UBR1: variants seen among roughly 807,000 people sequenced by gnomAD.
UBR1 encodes the protein E3 ubiquitin-protein ligase UBR1.
In UBR1, 102 loss-of-function variants were observed where a neutral mutation model predicts 242.1. That is an observed-to-expected ratio of 0.42 (90% CI 0.36 to 0.50). The LOEUF (loss-of-function observed/expected upper bound fraction) is 0.50, where lower values mean the gene tolerates loss of function less well. UBR1 is among the 20% of genes least tolerant of loss of function. UBR1 has a pLI of 0.01. For synonymous variants in UBR1, 675 were observed against 684.8 expected (o/e 0.99, Z 0.22); for missense variants, 1,772 against 2,101.8 (o/e 0.84, Z 3.07).
intron 1 of UBR1, among the ~76,000 whole-genome samples, chr15:43,090,948 A>T (rs1052638013): frequency 3.3e-5 from 5 of 151,752 alleles, no homozygotes; most frequent in Non-Finnish European, 4.4e-5. Context: ...ATTTATTTTT[A>T]TTTTTTTTGA....
chr15:43,089,380 A>C (rs1596139713), intron 1 of UBR1, among the ~76,000 whole-genome samples: 1 of 152,076 alleles, frequency 6.6e-6, no homozygotes, highest in East Asian at 1.9e-4. Context: ...CTGTAGTCCC[A>C]GCTACTCGGG....
Position 43,027,780 on chromosome 15 carries a change from A to ATT in UBR1, c.2427_2428insAA (p.Phe810AsnfsTer15). The ATT allele has an allele frequency of 1.2e-6, 2 of 1,612,188 alleles. No individual in the cohort carries two copies. The highest frequency in any genetic ancestry group is 1.7e-6 in the Non-Finnish European group (2 of 1,178,870). On this transcript the variant is annotated frameshift_variant, in exon 22 of 47. Transcript: ENST00000290650. LOFTEE classifies it high-confidence loss of function. ...GCATAAATATTAAGCACTTACTTAA[A>ATT]TGTGGCCACTTTGTTTATGACATTC...
At chr15:42,960,532 A>G in intron 43 of UBR1, 113 bp downstream of exon 43, 1 of 1,078,330 alleles carries the variant, frequency 9.3e-7, no homozygotes, top group Non-Finnish European at 1.4e-6. Context: ...AATCAGGAAC[A>G]CTGTACTGAG....
chr15:43,049,803 T>C (rs531888155), intron 12 of UBR1, among the ~76,000 whole-genome samples: 3 of 152,334 alleles, frequency 2.0e-5, no homozygotes, highest in Non-Finnish European at 2.9e-5. Flanking sequence ...ATCTGCCACA[T>C]TGAACAAACG....
intron 1 of UBR1, 75 bp from the exon 2 acceptor site, chr15:43,086,315 A>G: frequency 6.5e-7 from 1 of 1,526,860 alleles, no homozygotes. Flanking sequence ...AAATAATGAC[A>G]TAATTCTACA....
At position 42,950,337 on chromosome 15, in the gene UBR1, A is replaced by G; in HGVS notation, c.5033T>C (p.Val1678Ala). 6.2e-7 allele frequency: 1 copy of G among 1,614,130 alleles called. No individual in the cohort carries two copies. The highest frequency in any genetic ancestry group is 8.5e-7 in the Non-Finnish European group (1 of 1,180,014). Residue 1678 changes from valine (V) to alanine (A), a missense_variant, in exon 46 of 47, where the codon GTT (valine) becomes GCT (alanine). Coordinates refer to ENST00000290650, the MANE Select transcript of UBR1 (RefSeq NM_174916.3). The stretch of plus-strand genomic sequence containing the variant: ...GGCACAGCCTCTGGCTTTACCTTCA[A>G]CCAGGACCACTCGGCATTCTCTGAT... ...LKIRECRVVL[V>A]EGKARGCAYP... is the part of the protein sequence containing the mutation.
intron 38 of UBR1, 123 bp from the exon 39 acceptor site, chr15:42,976,990 A>G: frequency 1.8e-6 from 2 of 1,123,914 alleles, no homozygotes; most frequent in Non-Finnish European, 2.6e-6. Flanking sequence ...TTTTAATAAA[A>G]ACCATATTTT....
In UBR1 at chr15:43,020,701, T is replaced by C. The variant is rs143899719; in HGVS notation, c.2940+574A>G. ...GCCCCTGGCCACCCCTCTGATCTCA[T>C]TGCCCACTTTTCCATCCCTCACCCA... is the stretch of plus-strand genomic sequence containing the variant. On this transcript the variant is annotated intron_variant, in intron 27 of 46. Transcript: ENST00000290650. Among the ~76,000 whole-genome samples the C allele has an allele frequency of 1.6e-3, 251 of 152,336 alleles. 1 individual carries two copies. The highest frequency in any genetic ancestry group is 5.6e-3 in the African/African-American group (231 of 41,584).
At position 43,048,483 on chromosome 15, in the gene UBR1, A is replaced by G; in HGVS notation, c.1448T>C (p.Leu483Pro). ...TGTCCATATTGTGGGTTTGCTGATCAGGATATACCTATCGTTTCAAGAAAG... is the reference window on the plus strand; with the variant it reads ...TGTCCATATTGTGGGTTTGCTGATCGGGATATACCTATCGTTTCAAGAAAG... ...YAVICDLKYI[L>P]ISKPTIWTER... Residue 483 changes from leucine to proline, a missense_variant, in exon 13 of 47, where the codon CTG becomes CCG. This residue lies in a region of UBR1 where 734 missense variants were observed against 893.3 expected (regional missense o/e 0.82). Transcript: ENST00000290650. 1 of 1,611,478 alleles carries G rather than the reference A, an allele frequency of 6.2e-7. No individual in the cohort carries two copies. The highest frequency in any genetic ancestry group is 8.5e-7 in the Non-Finnish European group (1 of 1,178,026).
intron 12 of UBR1, among the ~76,000 whole-genome samples, chr15:43,053,415 C>G (rs1257358971): frequency 2.0e-5 from 3 of 152,130 alleles, no homozygotes; most frequent in African/African-American, 7.2e-5. Context: ...TCTATATTCA[C>G]TGACCTAACA....
intron 23 of UBR1, 142 bp from the exon 24 acceptor site, chr15:43,025,571 G>C: frequency 1.5e-6 from 1 of 658,394 alleles, no homozygotes; most frequent in Admixed American, 2.7e-5. Context: ...CTTTGTCCTA[G>C]AAATAAAATT....
rs765484943 is a variant in UBR1, at chr15:43,056,459, G to C, written c.1183-17C>G. On this transcript the variant is annotated splice_polypyrimidine_tract_variant and intron_variant, in intron 10 of 46. Transcript: ENST00000290650. ...TTTATAATACTGAAATATATAAGTA[G>C]AGAATCAATTATAAATCACTACTAA... 1 of 1,529,864 alleles carries C rather than the reference G, an allele frequency of 6.5e-7. No homozygotes were observed. Among genetic ancestry groups the C allele is most frequent in the Non-Finnish European group, 9.1e-7 (1 of 1,104,252 alleles). 94.8% of individuals were successfully genotyped at this position (1,529,864 alleles called of 1,614,324 possible).
intron 1 of UBR1, among the ~76,000 whole-genome samples, chr15:43,102,216 T>C (rs1425033963): frequency 1.3e-5 from 2 of 152,162 alleles, no homozygotes; most frequent in Admixed American, 1.3e-4. Context: ...TTTTTGCTTC[T>C]TCCATCCTTC....
chr15:42,969,056 G>A (rs996965045), intron 40 of UBR1, among the ~76,000 whole-genome samples: 1 of 152,050 alleles, frequency 6.6e-6, no homozygotes, highest in African/African-American at 2.4e-5. Context: ...CTGGGTCAAA[G>A]GGTATTTCTA....
chr15:43,072,823 T>G (rs1396693559), intron 4 of UBR1, among the ~76,000 whole-genome samples: 1 of 152,166 alleles, frequency 6.6e-6, no homozygotes, highest in Non-Finnish European at 1.5e-5. Context: ...CATTGATTGG[T>G]TTTCAAATGT....
intron 6 of UBR1, among the ~76,000 whole-genome samples, chr15:43,066,742 G>A (rs1291539504): frequency 2.0e-5 from 3 of 152,138 alleles, no homozygotes; most frequent in African/African-American, 4.8e-5. Context: ...TGTTAGAAAT[G>A]AAGAACTGAA....
intron 16 of UBR1, 134 bp downstream of exon 16, chr15:43,038,037 C>T: frequency 8.3e-7 from 1 of 1,211,208 alleles, no homozygotes; most frequent in Non-Finnish European, 1.2e-6. Context: ...TTACAATGTA[C>T]TATATGAAGA....
At chr15:43,050,365 C>T (rs2033539063) in intron 12 of UBR1, among the ~76,000 whole-genome samples, 1 of 152,050 alleles carries the variant, frequency 6.6e-6, no homozygotes, top group Admixed American at 6.6e-5. Context: ...TGACAAAGTC[C>T]TAATAGCCAG....
intron 15 of UBR1, among the ~76,000 whole-genome samples, chr15:43,040,916 T>C (rs575074986): frequency 5.7e-4 from 87 of 152,226 alleles, no homozygotes; most frequent in Admixed American, 1.4e-3. Context: ...CCAGTTAGAA[T>C]GGCGATCATT....
Sources: allele counts gnomAD v4.1 joint callset (sites outside exome capture counted in the v4.1 genomes callset), GRCh38; gene constraint gnomAD v4.1.1; regional missense constraint gnomAD v4.1.1; transcripts MANE v1.5; gene names NCBI Gene and HGNC (gene_info 2026-07-23, HGNC 2026-07-21).